DPYSL2: variants seen among roughly 807,000 people sequenced by gnomAD.
The protein encoded by DPYSL2 is dihydropyrimidinase-related protein 2.
Under a neutral mutation model 69.9 loss-of-function variants are expected in DPYSL2, and 13 were observed. The ratio of observed to expected loss-of-function variants is 0.19; its 90% CI spans 0.12 to 0.30. DPYSL2 has a LOEUF of 0.30. Among genes scored for constraint, DPYSL2 ranks in the 10% least tolerant of loss-of-function variants. The pLI is 1.00. For missense variants in DPYSL2, 587 were observed against 918.9 expected (o/e 0.64, Z 4.67); for synonymous variants, 326 against 359.1 (o/e 0.91, Z 1.04).
intron 1 of DPYSL2, among the ~76,000 whole-genome samples, chr8:26,524,835 A>AAAAAAAAAAAG (rs1563374151): frequency 2.3e-4 from 17 of 74,222 alleles, no homozygotes; most frequent in African/African-American, 3.9e-4. Context: ...AAAAAAAAAA[A>AAAAAAAAAAAG]AGAGAGAGAA....
At chr8:26,520,024 G>T (rs1216442355) in intron 1 of DPYSL2, among the ~76,000 whole-genome samples, 2 of 152,176 alleles carry the variant, frequency 1.3e-5, no homozygotes, top group Admixed American at 6.5e-5. Context: ...ACATGTTGTG[G>T]GAGGGACCTG....
rs1283534069 is a variant in DPYSL2 at position 26,626,336 on chromosome 8, A to C, written c.794-281A>C. ...CACTGGCAACTTTTAATTTTGATAT[A>C]CTTGTAAACTTACAGGAAGATTATA... On this transcript the variant is annotated intron_variant, in intron 4 of 13. Transcript: ENST00000521913. This position sits in a 1 kb window ranked among gnomAD's most constrained non-coding sequence, Gnocchi z 4.3. Among the ~76,000 whole-genome samples the C allele has an allele frequency of 6.6e-6, 1 of 152,206 alleles. No individual in the cohort carries two copies. Among genetic ancestry groups the C allele is most frequent in the African/African-American group, 2.4e-5 (1 of 41,430 alleles).
At position 26,655,723 on chromosome 8, in the gene DPYSL2, C is replaced by G. The variant is rs369882728; in HGVS notation, c.*17C>G. On this transcript the variant is annotated 3_prime_UTR_variant, in exon 14 of 14. Transcript: ENST00000521913. The stretch of plus-strand genomic sequence containing the variant: ...CTGGGCTAGAGCTCCTGGGCTGTGC[C>G]GTCCACTGGGGACTGGGGATGGGAC... 1.3e-6 allele frequency: 2 copies of G among 1,584,002 alleles called. No homozygotes were observed. The highest frequency in any genetic ancestry group is 3.4e-5 in the Admixed American group (2 of 58,886).
intron 1 of DPYSL2, among the ~76,000 whole-genome samples, chr8:26,547,000 CA>C (rs1800782578): frequency 6.9e-6 from 1 of 145,014 alleles, no homozygotes; most frequent in South Asian, 2.2e-4. Context: ...CTTTATCAGT[CA>C]GATGATTGAG....
intron 1 of DPYSL2, among the ~76,000 whole-genome samples, chr8:26,549,571 G>GAACA (rs1006976265): frequency 1.3e-5 from 2 of 152,060 alleles, no homozygotes; most frequent in African/African-American, 4.8e-5. Flanking sequence ...GAAGCTCAGA[G>GAACA]AACACCAAGC....
At chr8:26,633,324 T>C (rs2129936830) in intron 7 of DPYSL2, among the ~76,000 whole-genome samples, 1 of 152,272 alleles carries the variant, frequency 6.6e-6, no homozygotes, top group East Asian at 1.9e-4. Flanking sequence ...TGTTCTGAGA[T>C]CTGCCTTCCA....
chr8:26,523,681 G>A (rs1808428498), intron 1 of DPYSL2, among the ~76,000 whole-genome samples: 1 of 151,452 alleles, frequency 6.6e-6, no homozygotes, highest in South Asian at 2.1e-4. Flanking sequence ...TTCCTTAAGA[G>A]ACAGGGTCTT....
chr8:26,576,993 C>T (rs760362852), intron 1 of DPYSL2: 3 of 309,690 alleles, frequency 9.7e-6, no homozygotes, highest in Non-Finnish European at 1.9e-5. Context: ...GATCGCGCCA[C>T]ATCGGCCTCG....
intron 1 of DPYSL2, among the ~76,000 whole-genome samples, chr8:26,527,330 T>C (rs188346199): frequency 6.6e-6 from 1 of 152,362 alleles, no homozygotes; most frequent in South Asian, 2.1e-4. Flanking sequence ...CTACCCTTCA[T>C]TGAAGATGCT....
In DPYSL2 at chr8:26,654,831, G is replaced by A. The variant is rs1368047252; in HGVS notation, c.1943-784G>A. 6.6e-6 allele frequency among the ~76,000 whole-genome samples: 1 copy of A among 152,036 alleles called. No individual in the cohort carries two copies. Among genetic ancestry groups the A allele is most frequent in the Non-Finnish European group, 1.5e-5 (1 of 68,014 alleles). ...CTTAGGCTCATCTCCTTTTTAAAAA[G>A]TTTATTTTTATTTTTAGAGATATAA... On this transcript the variant is annotated intron_variant, in intron 13 of 13. Transcript: ENST00000521913. The surrounding 1 kb of genome is among the most constrained non-coding windows in gnomAD (Gnocchi z 5.0).
chr8:26,532,085 G>A (rs556675801), intron 1 of DPYSL2, among the ~76,000 whole-genome samples: 2 of 151,944 alleles, frequency 1.3e-5, no homozygotes, highest in South Asian at 4.2e-4. Flanking sequence ...CCCCAGAAGG[G>A]AGAGCAGGAC....
intron 1 of DPYSL2, among the ~76,000 whole-genome samples, chr8:26,526,801 C>A (rs1217642663): frequency 6.6e-6 from 1 of 152,202 alleles, no homozygotes; most frequent in East Asian, 1.9e-4. Context: ...TTGGTGTGTT[C>A]CACGGGGGAT....
chr8:26,651,020 A>G (rs988513432), intron 11 of DPYSL2, among the ~76,000 whole-genome samples: 1 of 152,202 alleles, frequency 6.6e-6, no homozygotes, highest in African/African-American at 2.4e-5. Flanking sequence ...CTGCTATAAG[A>G]CACATTCTGA....
chr8:26,541,651 G>A (rs1295982167), intron 1 of DPYSL2, among the ~76,000 whole-genome samples: 1 of 152,144 alleles, frequency 6.6e-6, no homozygotes, highest in Non-Finnish European at 1.5e-5. Context: ...ATAAAAAGAA[G>A]CATTCTTTGT....
At chr8:26,563,255 C>T (rs191048869) in intron 1 of DPYSL2, among the ~76,000 whole-genome samples, 182 of 152,300 alleles carry the variant, frequency 1.2e-3, no homozygotes, top group Middle Eastern at 6.8e-3. Context: ...TTTCTGTTCC[C>T]AAAACATTCC....
intron 11 of DPYSL2, among the ~76,000 whole-genome samples, chr8:26,651,498 G>A (rs1173271701): frequency 1.3e-5 from 2 of 152,158 alleles, no homozygotes; most frequent in Non-Finnish European, 2.9e-5. Context: ...AGGAAGAAGC[G>A]GGAGGCATTT....
At chr8:26,631,243 G>C (rs1320338651) in intron 7 of DPYSL2, among the ~76,000 whole-genome samples, 1 of 152,196 alleles carries the variant, frequency 6.6e-6, no homozygotes, top group Non-Finnish European at 1.5e-5. Flanking sequence ...AAAGAAAAGA[G>C]ATTTAATTGA....
At chr8:26,579,081 G>A (rs1801426164) in intron 1 of DPYSL2, among the ~76,000 whole-genome samples, 1 of 152,224 alleles carries the variant, frequency 6.6e-6, no homozygotes, top group Admixed American at 6.5e-5. Flanking sequence ...TGCATACAAA[G>A]CGGACTGCAG....
intron 7 of DPYSL2, among the ~76,000 whole-genome samples, chr8:26,631,538 C>A (rs530337862): frequency 6.6e-6 from 1 of 152,190 alleles, no homozygotes; most frequent in African/African-American, 2.4e-5. Flanking sequence ...CAAACCATGT[C>A]ATTGCTATTT....
Sources: gnomAD v4.1 joint callset for allele counts (sites outside exome capture counted in the v4.1 genomes callset) on GRCh38, gnomAD v4.1.1 for gene constraint, Gnocchi (gnomAD v3.1) non-coding constraint, MANE v1.5 for transcripts, NCBI Gene and HGNC (gene_info 2026-07-23, HGNC 2026-07-21) for gene names.